The following ERBIN variants were observed in gnomAD, a reference collection of about 807,000 sequenced individuals.
ERBIN encodes the protein densin-180-like protein.
In ERBIN, 60 loss-of-function variants were observed where a neutral mutation model predicts 158.4. The observed-to-expected ratio is 0.38, with a 90% CI of 0.31 to 0.47. ERBIN has a LOEUF of 0.47. Among genes scored for constraint, ERBIN ranks in the 20% least tolerant of loss-of-function variants. The probability of loss-of-function intolerance (pLI) is 0.99; values close to 1 mark genes in which losing one functional copy is unlikely to be tolerated. For synonymous variants in ERBIN, 594 were observed against 557.2 expected (o/e 1.07, Z -0.93); for missense variants, 1,610 against 1,648.0 (o/e 0.98, Z 0.40).
chr5:65,992,153 GTTTT>G (rs1312448138), intron 2 of ERBIN, among the ~76,000 whole-genome samples: 1 of 151,876 alleles, frequency 6.6e-6, no homozygotes, highest in African/African-American at 2.4e-5. Flanking sequence ...TCAAAGCACA[GTTTT>G]TTTTGTTTGT....
chr5:65,987,507 A>G (rs929871400), intron 1 of ERBIN, among the ~76,000 whole-genome samples: 4 of 152,092 alleles, frequency 2.6e-5, no homozygotes, highest in African/African-American at 9.7e-5. Context: ...GGCTGAAGTG[A>G]GCCGTGATTG....
intron 21 of ERBIN, chr5:66,068,806 C>G: frequency 5.3e-6 from 7 of 1,331,636 alleles, no homozygotes; most frequent in Non-Finnish European, 6.9e-6. Context: ...AATAAGTCTA[C>G]GTATATAACA....
chr5:65,932,112 A>G (rs943136677), intron 1 of ERBIN, among the ~76,000 whole-genome samples: 4 of 151,938 alleles, frequency 2.6e-5, no homozygotes, highest in Non-Finnish European at 5.9e-5. Flanking sequence ...GCCACCGCGC[A>G]AAGTGCTGGT....
intron 1 of ERBIN, among the ~76,000 whole-genome samples, chr5:65,941,332 AGAAC>A (rs1561273002): frequency 1.9e-4 from 4 of 21,442 alleles, no homozygotes; most frequent in East Asian, 6.9e-4. Flanking sequence ...AAAAAAAAAA[AGAAC>A]AATACAAATA....
Position 66,080,304 on chromosome 5 carries a change from T to A in ERBIN, c.*1774T>A, listed in dbSNP as rs751129202. 3 of 152,558 alleles carry A rather than the reference T, an allele frequency of 2.0e-5. No homozygotes were observed. The highest frequency in any genetic ancestry group is 2.9e-5 in the Non-Finnish European group (2 of 67,978). 9.5% of individuals were successfully genotyped at this position (152,558 alleles called of 1,614,324 possible). A position where few individuals can be genotyped will look rare whatever the true frequency, so the allele number is the denominator to read the frequency against. ...TTTCAAGATGTTATCAATTGGTTAT[T>A]GTACTGTATAGTTTTAATAATTTTG... On this transcript the variant is annotated 3_prime_UTR_variant, in exon 26 of 26. Coordinates refer to ENST00000284037, the MANE Select transcript of ERBIN (RefSeq NM_001253697.2).
At position 66,043,177 on chromosome 5, in the gene ERBIN, T is replaced by C. The variant is rs1478975785; in HGVS notation, c.1407T>C (p.Asp469=). 1 of 1,613,332 alleles carries C rather than the reference T, an allele frequency of 6.2e-7. No homozygotes were observed. The highest frequency in any genetic ancestry group is 1.7e-5 in the Admixed American group (1 of 59,952). ...CATTTGAATGTGATGAAGACAAAGA[T>C]GAAAGGGAGGCACCTCCCAGGGTGA... is the stretch of plus-strand genomic sequence containing the variant. ...QVAFECDEDK[D]EREAPPREGN... Residue 469 remains aspartate, a synonymous_variant, in exon 16 of 26, where the codon GAT becomes GAC. Coordinates refer to ENST00000284037, the MANE Select transcript of ERBIN (RefSeq NM_001253697.2).
At chr5:66,032,738 C>T (rs548743771) in intron 14 of ERBIN, among the ~76,000 whole-genome samples, 1 of 151,996 alleles carries the variant, frequency 6.6e-6, no homozygotes, top group Non-Finnish European at 1.5e-5. Context: ...GAACACGTTG[C>T]CTTGAACTAA....
chr5:65,971,963 G>T (rs1177123541), intron 1 of ERBIN, among the ~76,000 whole-genome samples: 2 of 152,302 alleles, frequency 1.3e-5, no homozygotes, highest in African/African-American at 2.4e-5. Context: ...TCTATGTTGT[G>T]CAGGTTGCTT....
At position 65,965,495 on chromosome 5, in the gene ERBIN, C is replaced by T. The variant is rs533927452; in HGVS notation, c.-57-23140C>T. Among the ~76,000 whole-genome samples the T allele has an allele frequency of 3.4e-5, 5 of 149,046 alleles. No homozygotes were observed. The South Asian group carries it at 1.1e-3, about 31-fold the overall frequency. ...TCTTGGCTCACTGCACCCTTCGCCT[C>T]CTGGGTTCAAGCGATTCTCCTGTCT... On this transcript the variant is annotated intron_variant, in intron 1 of 25. Coordinates refer to ENST00000284037, the MANE Select transcript of ERBIN (RefSeq NM_001253697.2).
chr5:65,942,663 G>T (rs746838908), intron 1 of ERBIN, among the ~76,000 whole-genome samples: 8 of 152,338 alleles, frequency 5.3e-5, no homozygotes, highest in Middle Eastern at 3.4e-3. Context: ...AGTGGCTCAT[G>T]CCTGTAATCC....
chr5:65,946,957 A>ATT (rs368824685), intron 1 of ERBIN, among the ~76,000 whole-genome samples: 4 of 148,478 alleles, frequency 2.7e-5, no homozygotes, highest in African/African-American at 7.4e-5. Context: ...TTCTAACTGG[A>ATT]TTTTTTTTTT....
chr5:66,054,250 A>T lies in ERBIN; in HGVS notation c.2932A>T (p.Asn978Tyr), dbSNP rs773078813. Residue 978 changes from asparagine to tyrosine, a missense_variant, in exon 21 of 26, where the codon AAT (asparagine) becomes TAT (tyrosine). Physicochemically the swap from Asn to Tyr is moderately radical, Grantham distance 143. Coordinates refer to ENST00000284037, the MANE Select transcript of ERBIN (RefSeq NM_001253697.2). ...TCAAATATATGGTCCTCCACAGTATAATATCCAATACAGTAGCAGTGCTGC... is the reference window on the plus strand; with the variant it reads ...TCAAATATATGGTCCTCCACAGTATTATATCCAATACAGTAGCAGTGCTGC... ...APQIYGPPQYNIQYSSSAAVK... is the reference protein window; with the variant it reads ...APQIYGPPQYYIQYSSSAAVK... 3 of 1,614,096 alleles carry T rather than the reference A, an allele frequency of 1.9e-6. No individual in the cohort carries two copies. In the South Asian group the frequency reaches 3.3e-5, roughly 18 times the overall value.
rs1758207501 is a variant in ERBIN at position 66,044,391 on chromosome 5, A to G, written c.1602+81A>G. 12 of 1,291,618 alleles carry G rather than the reference A, an allele frequency of 9.3e-6. No individual in the cohort carries two copies. The South Asian group carries it at 1.8e-4, about 19-fold the overall frequency. 80.0% of individuals were successfully genotyped at this position (1,291,618 alleles called of 1,614,324 possible). On this transcript the variant is annotated intron_variant, in intron 17 of 25. Transcript: ENST00000284037. ...GACAGTTGATATAGTGCCCCTTTTC[A>G]TGTACTCTGAATGTGCAGTCATGCA...
In ERBIN at chr5:66,054,186, TATA is replaced by T. The variant is rs751532262; in HGVS notation, c.2873_2875del (p.Ile958del). On this transcript the variant is annotated inframe_deletion, in exon 21 of 26. Transcript: ENST00000284037. ...CAAATCATAATCCCGAAGAGCCAAA[TATA>T]ATAAGAGGCCCCACAAGTGGCCCAC... 1.1e-5 allele frequency: 17 copies of T among 1,613,970 alleles called. No individual in the cohort carries two copies. The highest frequency in any genetic ancestry group is 5.3e-5 in the African/African-American group (4 of 74,904).
intron 1 of ERBIN, among the ~76,000 whole-genome samples, chr5:65,940,226 C>G (rs1744687846): frequency 6.6e-6 from 1 of 151,310 alleles, no homozygotes; most frequent in Admixed American, 6.6e-5. Context: ...AGGAGCGCCT[C>G]TACCCGGCCG....
intron 4 of ERBIN, among the ~76,000 whole-genome samples, chr5:66,009,827 A>G (rs1234187310): frequency 2.0e-5 from 3 of 152,188 alleles, no homozygotes; most frequent in Admixed American, 2.0e-4. Flanking sequence ...TCAAAAGGGG[A>G]AGAATAAATG....
In ERBIN at chr5:66,075,363, C is replaced by T. The variant is rs536070385; in HGVS notation, c.3963+133C>T. On this transcript the variant is annotated intron_variant, in intron 23 of 25. Coordinates refer to ENST00000284037, the MANE Select transcript of ERBIN (RefSeq NM_001253697.2). Reference sequence around the variant, plus strand: ...CATTTAAAGTTTTATTTTTATGTTACGTTTATAAGGCGTTAAACTTGGTAA... The same window carrying T: ...CATTTAAAGTTTTATTTTTATGTTATGTTTATAAGGCGTTAAACTTGGTAA... 2.5e-5 allele frequency: 19 copies of T among 758,138 alleles called. No individual in the cohort carries two copies. The East Asian group carries it at 4.1e-4, about 16-fold the overall frequency. 47.0% of individuals were successfully genotyped at this position (758,138 alleles called of 1,614,324 possible). A position where few individuals can be genotyped will look rare whatever the true frequency, so the allele number is the denominator to read the frequency against.
chr5:66,062,478 T>G (rs1760510755), intron 21 of ERBIN, among the ~76,000 whole-genome samples: 1 of 152,192 alleles, frequency 6.6e-6, no homozygotes, highest in Non-Finnish European at 1.5e-5. Context: ...TTCTTTGCCA[T>G]TGGTTTGAAC....
intron 21 of ERBIN, among the ~76,000 whole-genome samples, chr5:66,063,466 T>C (rs1010365154): frequency 3.3e-5 from 5 of 152,168 alleles, no homozygotes; most frequent in African/African-American, 7.2e-5. Context: ...GGAAAGGGAA[T>C]TCCTTGACCC....
Sources: gnomAD v4.1 joint callset for allele counts (sites outside exome capture counted in the v4.1 genomes callset) on GRCh38, gnomAD v4.1.1 for gene constraint, MANE v1.5 for transcripts, NCBI Gene and HGNC (gene_info 2026-07-23, HGNC 2026-07-21) for gene names.